DUSP15: variants seen among roughly 807,000 people sequenced by gnomAD.
DUSP15 encodes the protein dual specificity protein phosphatase 15.
Under a neutral mutation model 26.3 loss-of-function variants are expected in DUSP15, and 23 were observed. That is an observed-to-expected ratio of 0.87 (90% CI 0.63 to 1.24). The LOEUF is 1.24. DUSP15 is among the 50% of genes most tolerant of loss of function. DUSP15 has a pLI of 0.00. For missense variants in DUSP15, 364 were observed against 320.6 expected, an observed-to-expected ratio of 1.14 and a Z score of -1.03; for synonymous variants, 143 against 135.5, an observed-to-expected ratio of 1.06 and a Z score of -0.39.
intron 2 of DUSP15, among the ~76,000 whole-genome samples, chr20:31,869,328 CG>C (rs895187762): frequency 2.0e-5 from 3 of 152,178 alleles, no homozygotes; most frequent in Non-Finnish European, 2.9e-5. Context: ...GGCTGAATGG[CG>C]GGGAGGGATG....
chr20:31,864,090 C>T lies in DUSP15; in HGVS notation c.189-109G>A, dbSNP rs530881106. On this transcript the variant is annotated intron_variant, in intron 4 of 6. Coordinates refer to ENST00000339738, the MANE Select transcript of DUSP15 (RefSeq NM_080611.5). ...GCAAGGGACATAGAGCCCTGGGGTCCCCAGGTCAGCCAGCACATGCAGTGA... is the reference window on the plus strand; with the variant it reads ...GCAAGGGACATAGAGCCCTGGGGTCTCCAGGTCAGCCAGCACATGCAGTGA... The T allele has an allele frequency of 6.1e-5, 94 of 1,544,840 alleles. No individual in the cohort carries two copies. In the South Asian group the frequency reaches 6.3e-4, roughly 10 times the overall value.
intron 3 of DUSP15, among the ~76,000 whole-genome samples, chr20:31,866,330 G>A (rs1442290068): frequency 6.6e-6 from 1 of 152,092 alleles, no homozygotes; most frequent in Non-Finnish European, 1.5e-5. Context: ...GTGATTTGTT[G>A]AGCATCTATT....
intron 4 of DUSP15, chr20:31,864,390 A>G (rs2062724295): frequency 1.9e-6 from 2 of 1,054,254 alleles, no homozygotes; most frequent in Non-Finnish European, 2.3e-6. Context: ...CCCAAGGGGC[A>G]GCACTGTCTG....
exon 8 of DUSP15, chr20:31,849,824 G>A: frequency 6.5e-7 from 1 of 1,528,988 alleles, no homozygotes; most frequent in Non-Finnish European, 8.7e-7. Flanking sequence ...GCGCCCGGTG[G>A]CTTCGCGCAC....
At chr20:31,860,040 A>G (rs1170888160), downstream of DUSP15, among the ~76,000 whole-genome samples, 2 of 151,888 alleles carry the variant, frequency 1.3e-5, no homozygotes, top group Non-Finnish European at 2.9e-5. Context: ...CAAACGGTCC[A>G]CTCCCTCACC....
rs971238542 is a variant in DUSP15 at position 31,861,801 on chromosome 20, C to A, written c.436-126G>T. ...GCGTCCCACACCTCGCTGAGCCCCTCCCTTCCTGAGCGTCTTCTTTGCCTC... is the reference window on the plus strand; with the variant it reads ...GCGTCCCACACCTCGCTGAGCCCCTACCTTCCTGAGCGTCTTCTTTGCCTC... On this transcript the variant is annotated intron_variant, in intron 6 of 6. Transcript: ENST00000339738. 1.2e-5 allele frequency: 9 copies of A among 757,644 alleles called. No individual in the cohort carries two copies. The Admixed American group carries it at 3.0e-4, about 25-fold the overall frequency. The allele number at this position is 757,644 out of a possible 1,614,324, so 46.9% of individuals were successfully genotyped here.
In DUSP15 at chr20:31,869,585, G is replaced by C; in HGVS notation, c.34C>G (p.Leu12Val). 3.1e-6 allele frequency: 5 copies of C among 1,613,686 alleles called. No individual in the cohort carries two copies. The highest frequency in any genetic ancestry group is 4.2e-6 in the Non-Finnish European group (5 of 1,179,844). The change falls in exon 2 of 7, where the codon CTC becomes GTC. Residue 12 changes from leucine to valine, a missense_variant. By Grantham distance (32) the Leu-to-Val change is conservative (BLOSUM62 1). Transcript: ENST00000339738. ...GNGMTKVLPG[L>V]YLGNFIDAKD... The stretch of plus-strand genomic sequence containing the variant: ...TCACCAATGAAGTTTCCGAGGTAGA[G>C]TCCAGGAAGTACCTAGAGGAAGGAC...
chr20:31,851,157 A>C (rs568250820), intron 6 of DUSP15, among the ~76,000 whole-genome samples: 1 of 152,238 alleles, frequency 6.6e-6, no homozygotes, highest in African/African-American at 2.4e-5. Context: ...AAGTTGATGA[A>C]GATGTTGTAG....
In DUSP15 at chr20:31,861,081, T is replaced by A. The variant is rs545338861; in HGVS notation, c.*322A>T. 1 of 1,169,724 alleles carries A rather than the reference T, an allele frequency of 8.5e-7. No homozygotes were observed. The highest frequency in any genetic ancestry group is 4.7e-5 in the Admixed American group (1 of 21,280). The allele number at this position is 1,169,724 out of a possible 1,614,324, so 72.5% of individuals were successfully genotyped here. Reference sequence around the variant, plus strand: ...GGAGGCACTCGGACAGGCAGCTTCTTCTGTGTCTCTTTAATACCCTCCAGG... The same window carrying A: ...GGAGGCACTCGGACAGGCAGCTTCTACTGTGTCTCTTTAATACCCTCCAGG... On this transcript the variant is annotated 3_prime_UTR_variant, in exon 7 of 7. Transcript: ENST00000339738.
rs569033345 is a variant in DUSP15 at position 31,870,320 on chromosome 20, G to A, written c.18C>T (p.Thr6=). 1.0e-4 allele frequency: 128 copies of A among 1,264,924 alleles called. No homozygotes were observed. Among genetic ancestry groups the A allele is most frequent in the Non-Finnish European group, 1.3e-4 (128 of 1,006,006 alleles). The allele number at this position is 1,264,924 out of a possible 1,614,324, so 78.4% of individuals were successfully genotyped here. A position where few individuals can be genotyped will look rare whatever the true frequency, so the allele number is the denominator to read the frequency against. The part of the protein sequence containing the change: MGNGM[T]KVLPGLYLGN... ...CTGCGCGGGGCCCGCCCCCTACCTT[G>A]GTCATGCCATTGCCCATGATCCCGG... Residue 6 remains threonine (T), a synonymous_variant, in exon 1 of 7, where the codon ACC becomes ACT. Transcript: ENST00000339738. This position sits in a 1 kb window ranked among gnomAD's most constrained non-coding sequence, Gnocchi z 6.6.
chr20:31,856,122 A>G (rs2062557851), downstream of DUSP15, among the ~76,000 whole-genome samples: 1 of 152,194 alleles, frequency 6.6e-6, no homozygotes, highest in African/African-American at 2.4e-5. Context: ...AGAGATGGTT[A>G]AGCTGAGGAT....
intron 3 of DUSP15, among the ~76,000 whole-genome samples, chr20:31,865,660 G>A (rs1376754340): frequency 3.3e-5 from 5 of 152,160 alleles, no homozygotes; most frequent in Admixed American, 6.5e-5. Flanking sequence ...GTAACTAAGG[G>A]ACCACCAGCC....
At chr20:31,869,640 C>A in intron 1 of DUSP15, 43 bp from the exon 2 acceptor site, 1 of 1,608,280 alleles carries the variant, frequency 6.2e-7, no homozygotes, top group Non-Finnish European at 8.5e-7. Context: ...AGGGGCTGCA[C>A]CCCCTTCCAC....
chr20:31,845,687 G>C, downstream of DUSP15: 1 of 954,920 alleles, frequency 1.0e-6, no homozygotes, highest in Non-Finnish European at 1.5e-6. Context: ...TGGGTCTGCT[G>C]AGCCATCCTC....
rs374650117 is a variant in DUSP15, at chr20:31,869,541, G to C, written c.55+23C>G. The C allele has an allele frequency of 2.5e-6, 4 of 1,609,032 alleles. No homozygotes were observed. The South Asian group carries it at 4.5e-5, about 18-fold the overall frequency. Reference sequence around the variant, plus strand: ...GAGACAGGCAGAGTGCCATGGCCTCGGGACAGAGTGGGCAGTGCTCACCAA... The same window carrying C: ...GAGACAGGCAGAGTGCCATGGCCTCCGGACAGAGTGGGCAGTGCTCACCAA... On this transcript the variant is annotated intron_variant, in intron 2 of 6. Transcript: ENST00000339738.
chr20:31,857,077 G>C (rs1230951096), downstream of DUSP15, among the ~76,000 whole-genome samples: 2 of 152,110 alleles, frequency 1.3e-5, no homozygotes, highest in Non-Finnish European at 2.9e-5. Flanking sequence ...TGGGGGGCTG[G>C]GAGGCTGAGA....
chr20:31,845,597 G>T (rs2062370463), downstream of DUSP15: 5 of 1,588,406 alleles, frequency 3.1e-6, no homozygotes, highest in Non-Finnish European at 4.3e-6. Context: ...AGCTTCCAGG[G>T]CTGGCGTCCG....
chr20:31,870,077 GCA>G lies in DUSP15; in HGVS notation c.21+238_21+239del. 1 of 1,259,254 alleles carries G rather than the reference GCA, an allele frequency of 7.9e-7. No individual in the cohort carries two copies. Among genetic ancestry groups the G allele is most frequent in the Non-Finnish European group, 1.0e-6 (1 of 1,002,676 alleles). The allele number at this position is 1,259,254 out of a possible 1,614,324, so 78.0% of individuals were successfully genotyped here. A position where few individuals can be genotyped will look rare whatever the true frequency, so the allele number is the denominator to read the frequency against. ...AGACAGCCTGGGAGTGACAGCCACA[GCA>G]AGACAGCGAGAGACACACAGAGTCA... On this transcript the variant is annotated intron_variant, in intron 1 of 6. Transcript: ENST00000339738. This position sits in a 1 kb window ranked among gnomAD's most constrained non-coding sequence, Gnocchi z 6.6.
At chr20:31,849,719 A>G (rs3746599) in intron 8 of DUSP15, 661,413 of 1,533,250 alleles carry the variant, frequency 0.43, 150,821 homozygotes, top group African/African-American at 0.86. Flanking sequence ...GCGCTGGGCA[A>G]TGGGTCGGGG....
Sources: gnomAD v4.1 joint callset for allele counts (sites outside exome capture counted in the v4.1 genomes callset) on GRCh38, gnomAD v4.1.1 for gene constraint, Gnocchi (gnomAD v3.1) non-coding constraint, MANE v1.5 for transcripts, NCBI Gene and HGNC (gene_info 2026-07-23, HGNC 2026-07-21) for gene names.